Variants in LIMS2 observed in about 807,000 individuals in gnomAD.
The protein encoded by LIMS2 is LIM and senescent cell antigen-like-containing domain protein 2.
LIMS2 carries 30 observed loss-of-function variants against 45.3 expected under a neutral mutation model. The ratio of observed to expected loss-of-function variants is 0.66; its 90% CI spans 0.50 to 0.90. The LOEUF is 0.90. Ranked by LOEUF, LIMS2 falls within the 40% of genes least tolerant of loss-of-function variation. The pLI is 0.00. For synonymous variants in LIMS2, 173 were observed against 188.0 expected (o/e 0.92, Z 0.65); for missense variants, 485 against 468.7 (o/e 1.03, Z -0.32).
At chr2:127,650,048 C>A in intron 4 of LIMS2, 3 of 1,608,282 alleles carry the variant, frequency 1.9e-6, no homozygotes, top group Non-Finnish European at 2.5e-6. Flanking sequence ...ATCCAGAAAG[C>A]CCCCAAGAGA....
chr2:127,656,629 G>A (rs1223802489), intron 2 of LIMS2, among the ~76,000 whole-genome samples: 1 of 152,102 alleles, frequency 6.6e-6, no homozygotes, highest in Non-Finnish European at 1.5e-5. Context: ...TGGCCAGGCT[G>A]GTCTTGAACT....
intron 9 of LIMS2, 77 bp downstream of exon 9, chr2:127,639,993 C>G (rs2105186741): frequency 6.9e-7 from 1 of 1,447,156 alleles, no homozygotes; most frequent in East Asian, 2.3e-5. Flanking sequence ...AGCTGGTGTG[C>G]AGGAGGGCTG....
chr2:127,674,652 G>A, intron 1 of LIMS2: 2 of 984,756 alleles, frequency 2.0e-6, no homozygotes, highest in Middle Eastern at 5.2e-4. Flanking sequence ...GCGGGCTCGG[G>A]GAAGTTGGGG....
Position 127,639,415 on chromosome 2 carries a change from C to T in LIMS2, c.892G>A (p.Glu298Lys), listed in dbSNP as rs781717730. Residue 298 changes from glutamate (E) to lysine (K), a missense_variant, in exon 10 of 10, where the codon GAG becomes AAG. By Grantham distance (56) the Glu-to-Lys change is moderately conservative. Coordinates refer to ENST00000355119, the MANE Select transcript of LIMS2 (RefSeq NM_001161403.3). ...SKLTLKNKFV[E>K]FDMKPVCKRC... is the part of the protein sequence containing the mutation. Reference sequence around the variant, plus strand: ...TTACACACGGGCTTCATGTCGAACTCCACAAACTTGTTCCTGAGGAGGAAG... The same window carrying T: ...TTACACACGGGCTTCATGTCGAACTTCACAAACTTGTTCCTGAGGAGGAAG... 6.8e-6 allele frequency: 11 copies of T among 1,613,778 alleles called. No homozygotes were observed. In the South Asian group the frequency reaches 1.2e-4, roughly 18 times the overall value.
At chr2:127,650,668 C>A in intron 4 of LIMS2, 1 of 1,315,248 alleles carries the variant, frequency 7.6e-7, no homozygotes, top group Non-Finnish European at 1.1e-6. Context: ...GAGCGTGAAG[C>A]TGCCTAGATC....
chr2:127,639,333 T>C lies in LIMS2; in HGVS notation c.974A>G (p.Glu325Gly). Residue 325 changes from glutamate (E) to glycine (G), a missense_variant, in exon 10 of 10, where the codon GAG becomes GGG. Physicochemically the swap from Glu to Gly is moderately conservative, Grantham distance 98. Transcript: ENST00000355119. ...ELKKRLKKLS[E>G]LTSRKAQPKA... ...GGGCTGGGCCTTGCGGGAGGTCAGC[T>C]CCGACAGCTTCTTCAGCCGCTTCTT... The C allele has an allele frequency of 6.2e-7, 1 of 1,613,928 alleles. No individual in the cohort carries two copies. Among genetic ancestry groups the C allele is most frequent in the East Asian group, 2.2e-5 (1 of 44,880 alleles).
chr2:127,648,161 G>A, intron 4 of LIMS2: 2 of 985,326 alleles, frequency 2.0e-6, no homozygotes, highest in Non-Finnish European at 2.4e-6. Context: ...GGGGAATGGG[G>A]TCCCCATGAG....
At chr2:127,669,374 G>A (rs896842733) in intron 1 of LIMS2, among the ~76,000 whole-genome samples, 1 of 152,074 alleles carries the variant, frequency 6.6e-6, no homozygotes, top group African/African-American at 2.4e-5. Context: ...TGTATCAAAC[G>A]ACACAATCAA....
intron 1 of LIMS2, among the ~76,000 whole-genome samples, chr2:127,669,072 G>A (rs1685165180): frequency 6.6e-6 from 1 of 152,156 alleles, no homozygotes; most frequent in Non-Finnish European, 1.5e-5. Flanking sequence ...CAGCCTGGGT[G>A]AAAGAGTGAA....
At chr2:127,651,947 C>T in intron 4 of LIMS2, 1 of 627,200 alleles carries the variant, frequency 1.6e-6, no homozygotes, top group Admixed American at 2.9e-5. Context: ...ATCGGCCACC[C>T]CTCTGCAGGG....
chr2:127,677,821 G>GA (rs912233460), upstream of LIMS2, among the ~76,000 whole-genome samples: 2 of 152,154 alleles, frequency 1.3e-5, no homozygotes, highest in African/African-American at 2.4e-5. This position sits in a 1 kb window ranked among gnomAD's most constrained non-coding sequence, Gnocchi z 5.0. Flanking sequence ...GTCTGTGGTA[G>GA]AAAAAATCAG....
At chr2:127,657,629 G>GCC in intron 1 of LIMS2, 67 bp from the exon 2 acceptor site, 1 of 1,467,552 alleles carries the variant, frequency 6.8e-7, no homozygotes, top group Non-Finnish European at 9.2e-7. Flanking sequence ...ACACGCGGGG[G>GCC]CCTGCGCCCG....
At chr2:127,674,530 C>G in intron 1 of LIMS2, 1 of 766,244 alleles carries the variant, frequency 1.3e-6, no homozygotes, top group Non-Finnish European at 1.6e-6. Context: ...CAGCTCTGGC[C>G]AAGTTCCAAC....
chr2:127,666,770 A>G (rs1685023368), intron 1 of LIMS2, among the ~76,000 whole-genome samples: 1 of 152,186 alleles, frequency 6.6e-6, no homozygotes, highest in African/African-American at 2.4e-5. Context: ...AAGGGGAATC[A>G]AGGCACCTTC....
intron 1 of LIMS2, 60 bp from the exon 2 acceptor site, chr2:127,657,622 C>T (rs1248776477): frequency 1.6e-5 from 24 of 1,503,200 alleles, no homozygotes; most frequent in East Asian, 1.6e-4. Flanking sequence ...ATGGGGCACA[C>T]GCGGGGGCCT....
chr2:127,679,615 C>T (rs1685573194), upstream of LIMS2, among the ~76,000 whole-genome samples: 1 of 152,084 alleles, frequency 6.6e-6, no homozygotes, highest in Non-Finnish European at 1.5e-5. The surrounding 1 kb of genome is among the most constrained non-coding windows in gnomAD (Gnocchi z 5.3). Context: ...CCACCCCCCA[C>T]CTTCTCCCTT....
At chr2:127,659,506 T>C (rs879315102) in intron 1 of LIMS2, among the ~76,000 whole-genome samples, 1 of 152,218 alleles carries the variant, frequency 6.6e-6, no homozygotes, top group African/African-American at 2.4e-5. Flanking sequence ...TGGGCAGGGC[T>C]TCACTAGGAC....
chr2:127,640,192 G>A (rs1991628), intron 8 of LIMS2, 47 bp from the exon 9 acceptor site: 1 of 1,612,392 alleles, frequency 6.2e-7, no homozygotes, highest in Admixed American at 1.7e-5. Context: ...GGCTGCCGCA[G>A]GCCCGGCTGG....
rs766755758 is a variant in LIMS2, at chr2:127,667,086, T to C, written c.11+7928A>G. ...AGCCAGAGCGACATGGCTTCACTGA[T>C]GAATTATATCAAAGGTTTAACTAGA... On this transcript the variant is annotated intron_variant, in intron 1 of 9. Coordinates refer to ENST00000355119, the MANE Select transcript of LIMS2 (RefSeq NM_001161403.3). The surrounding 1 kb of genome is among the most constrained non-coding windows in gnomAD (Gnocchi z 4.1). Among the ~76,000 whole-genome samples the C allele has an allele frequency of 1.3e-5, 2 of 152,204 alleles. No homozygotes were observed. The highest frequency in any genetic ancestry group is 1.5e-5 in the Non-Finnish European group (1 of 68,038).
Sources: allele counts gnomAD v4.1 joint callset (sites outside exome capture counted in the v4.1 genomes callset), GRCh38; gene constraint gnomAD v4.1.1; non-coding constraint Gnocchi (gnomAD v3.1); transcripts MANE v1.5; gene names NCBI Gene and HGNC (gene_info 2026-07-23, HGNC 2026-07-21).